The following CXCL8 variants were observed in gnomAD, a reference collection of about 807,000 sequenced individuals.
The protein encoded by CXCL8 is C-X-C motif chemokine ligand 8, also known as interleukin-8.
Under a neutral mutation model 10.9 loss-of-function variants are expected in CXCL8, and 12 were observed. The ratio of observed to expected loss-of-function variants is 1.10; its 90% CI spans 0.71 to 1.79. CXCL8 has a LOEUF of 1.79. Among genes scored for constraint, CXCL8 ranks in the 40% most tolerant of loss-of-function variants. The pLI, the probability that CXCL8 is intolerant of heterozygous loss-of-function variation, is 0.00. For synonymous variants in CXCL8, 41 were observed against 39.6 expected, an observed-to-expected ratio of 1.03 and a Z score of -0.13; for missense variants, 145 against 113.4, an observed-to-expected ratio of 1.28 and a Z score of -1.26.
chr4:73,742,030 G>C lies in CXCL8; in HGVS notation c.282G>C (p.Lys94Asn). ...WVQRVVEKFL[K>N]RAENS ...AGAGGGTTGTGGAGAAGTTTTTGAA[G>C]AGGTAAGTTATATATTTTTTAATTT... Residue 94 changes from lysine (K) to asparagine (N), a missense_variant and splice_region_variant, in exon 3 of 4, where the codon AAG becomes AAC. Coordinates refer to ENST00000307407, the MANE Select transcript of CXCL8 (RefSeq NM_000584.4). 6.4e-7 allele frequency: 1 copy of C among 1,572,492 alleles called. No homozygotes were observed. Among genetic ancestry groups the C allele is most frequent in the South Asian group, 1.1e-5 (1 of 88,912 alleles).
intron 1 of CXCL8, 136 bp downstream of exon 1, chr4:73,740,858 T>C: frequency 1.4e-6 from 1 of 695,590 alleles, no homozygotes; most frequent in East Asian, 2.9e-5. Flanking sequence ...AGTCAATTAA[T>C]GTTAAATTGA....
intron 1 of CXCL8, among the ~76,000 whole-genome samples, chr4:73,741,176 G>A (rs1376364481): frequency 6.6e-6 from 1 of 152,018 alleles, no homozygotes; most frequent in Non-Finnish European, 1.5e-5. Flanking sequence ...ATATATTTCT[G>A]TTAATTCTTT....
chr4:73,741,226 A>G (rs540946807), intron 1 of CXCL8, among the ~76,000 whole-genome samples: 1 of 152,314 alleles, frequency 6.6e-6, no homozygotes, highest in South Asian at 2.1e-4. Context: ...TAGCTTGCCT[A>G]CTATAAATAA....
chr4:73,741,593 C>A lies in CXCL8; in HGVS notation c.116C>A (p.Thr39Lys). 6.2e-7 allele frequency: 1 copy of A among 1,613,390 alleles called. No individual in the cohort carries two copies. The highest frequency in any genetic ancestry group is 1.7e-5 in the Admixed American group (1 of 59,932). The change falls in exon 2 of 4, where the codon ACA becomes AAA. Residue 39 changes from threonine (T) to lysine (K), a missense_variant. By Grantham distance (78) the Thr-to-Lys change is moderately conservative. Transcript: ENST00000307407. ...AKELRCQCIK[T>K]YSKPFHPKFI... Reference sequence around the variant, plus strand: ...GAACTTAGATGTCAGTGCATAAAGACATACTCCAAACCTTTCCACCCCAAA... The same window carrying A: ...GAACTTAGATGTCAGTGCATAAAGAAATACTCCAAACCTTTCCACCCCAAA...
chr4:73,740,747 G>A, intron 1 of CXCL8, 25 bp downstream of exon 1: 1 of 1,604,804 alleles, frequency 6.2e-7, no homozygotes. Context: ...CTGACCTACA[G>A]CGTTTTCCTA....
rs954511482 is a variant in CXCL8, at chr4:73,741,806, T to C, written c.200+129T>C. ...ATGAAACAAAACAAAATAAAAATAT[T>C]TGTCTACATGACATTTAAATATGGT... On this transcript the variant is annotated intron_variant, in intron 2 of 3. Coordinates refer to ENST00000307407, the MANE Select transcript of CXCL8 (RefSeq NM_000584.4). The C allele has an allele frequency of 2.7e-5, 29 of 1,061,066 alleles. No individual in the cohort carries two copies. The African/African-American group carries it at 4.5e-4, about 16-fold the overall frequency. 65.7% of individuals were successfully genotyped at this position (1,061,066 alleles called of 1,614,324 possible).
At position 73,742,936 on chromosome 4, in the gene CXCL8, G is replaced by A. The variant is rs1729220156; in HGVS notation, c.*472G>A. 2 of 231,356 alleles carry A rather than the reference G, an allele frequency of 8.6e-6. No individual in the cohort carries two copies. The highest frequency in any genetic ancestry group is 1.7e-5 in the Non-Finnish European group (2 of 116,990). 14.3% of individuals were successfully genotyped at this position (231,356 alleles called of 1,614,324 possible). A position where few individuals can be genotyped will look rare whatever the true frequency, so the allele number is the denominator to read the frequency against. On this transcript the variant is annotated 3_prime_UTR_variant, in exon 4 of 4. Coordinates refer to ENST00000307407, the MANE Select transcript of CXCL8 (RefSeq NM_000584.4). The stretch of plus-strand genomic sequence containing the variant: ...TTTTCTGTTAAATCTGGCAACCCTA[G>A]TCTGCTAGCCAGGATCCACAAGTCC...
Position 73,741,955 on chromosome 4 carries a change from G to A in CXCL8, c.207G>A (p.Lys69=), listed in dbSNP as rs759032011. The A allele has an allele frequency of 1.9e-6, 3 of 1,607,712 alleles. No homozygotes were observed. The highest frequency in any genetic ancestry group is 2.7e-5 in the African/African-American group (2 of 74,708). ...CATTTCTTTCTTATTTCAGTGTAAA[G>A]CTTTCTGATGGAAGAGAGCTCTGTC... ...PHCANTEIIV[K]LSDGRELCLD... Residue 69 remains lysine, a synonymous_variant, in exon 3 of 4, where the codon AAG becomes AAA. Transcript: ENST00000307407.
intron 3 of CXCL8, 179 bp downstream of exon 3, chr4:73,742,211 A>G (rs1194504809): frequency 1.0e-5 from 6 of 584,680 alleles, no homozygotes; most frequent in African/African-American, 1.9e-5. Context: ...GAAAGACCAT[A>G]CATAGTTTGC....
chr4:73,743,598 T>C lies in CXCL8; in HGVS notation c.*1134T>C, dbSNP rs1449361204. ...GACTGCATTTTTAAATACAAGGCTT[T>C]ATATTTTTAACTTTAAGATGTTTTT... On this transcript the variant is annotated 3_prime_UTR_variant, in exon 4 of 4. Coordinates refer to ENST00000307407, the MANE Select transcript of CXCL8 (RefSeq NM_000584.4). 5.0e-6 allele frequency: 1 copy of C among 201,590 alleles called. No homozygotes were observed. Among genetic ancestry groups the C allele is most frequent in the Non-Finnish European group, 1.0e-5 (1 of 98,390 alleles). The allele number at this position is 201,590 out of a possible 1,614,324, so 12.5% of individuals were successfully genotyped here.
chr4:73,740,882 A>G (rs547173400), intron 1 of CXCL8, among the ~76,000 whole-genome samples, 160 bp downstream of exon 1: 11 of 152,322 alleles, frequency 7.2e-5, no homozygotes, highest in African/African-American at 2.6e-4. Context: ...TTTAGAAAAA[A>G]CTATATATAA....
At chr4:73,741,020 A>G (rs2227549) in intron 1 of CXCL8, among the ~76,000 whole-genome samples, 4,048 of 152,256 alleles carry the variant, frequency 0.027, 77 homozygotes, top group Middle Eastern at 0.051. Flanking sequence ...ACGGTTACCT[A>G]TATTATGTAT....
chr4:73,741,476 A>G (rs1729170784), intron 1 of CXCL8, 66 bp from the exon 2 acceptor site: 1 of 1,463,218 alleles, frequency 6.8e-7, no homozygotes, highest in Admixed American at 1.9e-5. Context: ...GGAATTAGAA[A>G]GGAAGTAGCT....
chr4:73,740,716 T>C lies in CXCL8; in HGVS notation c.58T>C (p.Cys20Arg), dbSNP rs1431385321. The C allele has an allele frequency of 3.1e-6, 5 of 1,613,118 alleles. No individual in the cohort carries two copies. The highest frequency in any genetic ancestry group is 1.7e-5 in the Admixed American group (1 of 59,942). Reference sequence around the variant, plus strand: ...AGCCTTCCTGATTTCTGCAGCTCTGTGTGAAGGTAAGCACATCTTTCTGAC... The same window carrying C: ...AGCCTTCCTGATTTCTGCAGCTCTGCGTGAAGGTAAGCACATCTTTCTGAC... ...LAAFLISAALCEGAVLPRSAK... is the reference protein window; with the variant it reads ...LAAFLISAALREGAVLPRSAK... The change falls in exon 1 of 4, where the codon TGT becomes CGT. Residue 20 changes from cysteine to arginine, a missense_variant. Cys to Arg is a radical substitution (Grantham distance 180). Transcript: ENST00000307407.
intron 1 of CXCL8, among the ~76,000 whole-genome samples, chr4:73,741,251 A>G (rs559084592): frequency 1.1e-4 from 16 of 152,350 alleles, no homozygotes. Context: ...GTGGTATCAC[A>G]GAGGATTATG....
At position 73,743,283 on chromosome 4, in the gene CXCL8, A is replaced by C; in HGVS notation, c.*819A>C. 1 of 215,484 alleles carries C rather than the reference A, an allele frequency of 4.6e-6. No homozygotes were observed. Among genetic ancestry groups the C allele is most frequent in the Non-Finnish European group, 9.3e-6 (1 of 106,966 alleles). 13.3% of individuals were successfully genotyped at this position (215,484 alleles called of 1,614,324 possible). On this transcript the variant is annotated 3_prime_UTR_variant, in exon 4 of 4. Coordinates refer to ENST00000307407, the MANE Select transcript of CXCL8 (RefSeq NM_000584.4). The stretch of plus-strand genomic sequence containing the variant: ...AATTTCAATCAGGGTTTTTAGATTA[A>C]ACAAACAAACAATTGGGTACCCAGT...
intron 3 of CXCL8, 99 bp from the exon 4 acceptor site, chr4:73,742,350 T>G: frequency 1.6e-6 from 1 of 632,676 alleles, no homozygotes; most frequent in South Asian, 2.2e-5. Context: ...ATAGAGCATT[T>G]CTAACACATG....
chr4:73,742,294 A>AT (rs1729197169), intron 3 of CXCL8, 155 bp from the exon 4 acceptor site: 10 of 583,398 alleles, frequency 1.7e-5, no homozygotes, highest in South Asian at 1.0e-4. Flanking sequence ...GTAGTGTCCT[A>AT]TTTTAGATGA....
Position 73,742,533 on chromosome 4 carries a change from C to G in CXCL8, c.*69C>G, listed in dbSNP as rs1421289712. The G allele has an allele frequency of 4.3e-6, 4 of 924,238 alleles. No individual in the cohort carries two copies. The highest frequency in any genetic ancestry group is 5.1e-5 in the East Asian group (2 of 39,602). The allele number at this position is 924,238 out of a possible 1,614,324, so 57.3% of individuals were successfully genotyped here. On this transcript the variant is annotated 3_prime_UTR_variant, in exon 4 of 4. Coordinates refer to ENST00000307407, the MANE Select transcript of CXCL8 (RefSeq NM_000584.4). ...AGTGAAACTTCAAGCAAATCTACTT[C>G]AACACTTCATGTATTGTGTGGGTCT...
Sources: allele counts gnomAD v4.1 joint callset (sites outside exome capture counted in the v4.1 genomes callset), GRCh38; gene constraint gnomAD v4.1.1; transcripts MANE v1.5; gene names NCBI Gene and HGNC (gene_info 2026-07-23, HGNC 2026-07-21).